GLIS1: variants seen among roughly 807,000 people sequenced by gnomAD.
GLIS1 encodes the protein zinc finger protein GLIS1.
GLIS1 carries 24 observed loss-of-function variants against 63.8 expected under a neutral mutation model. The observed-to-expected ratio is 0.38, with a 90% CI of 0.27 to 0.53. The LOEUF (loss-of-function observed/expected upper bound fraction) is 0.53, where lower values mean the gene tolerates loss of function less well. Ranked by LOEUF, GLIS1 falls within the 20% of genes least tolerant of loss-of-function variation. The pLI is 0.85. For synonymous variants in GLIS1, 450 were observed against 482.5 expected, an observed-to-expected ratio of 0.93 and a Z score of 0.88; for missense variants, 1,036 against 1,074.1, an observed-to-expected ratio of 0.96 and a Z score of 0.50.
At chr1:53,537,672 G>A (rs1052679115) in intron 4 of GLIS1, among the ~76,000 whole-genome samples, 4 of 152,180 alleles carry the variant, frequency 2.6e-5, no homozygotes, top group Non-Finnish European at 4.4e-5. Flanking sequence ...TCCTGCCTGC[G>A]GCTGGCATGG....
intron 7 of GLIS1, among the ~76,000 whole-genome samples, chr1:53,515,656 C>T (rs1644345190): frequency 6.6e-6 from 1 of 151,792 alleles, no homozygotes; most frequent in African/African-American, 2.4e-5. Context: ...AGACTTTGCT[C>T]CAGGGACCCA....
At chr1:53,542,032 G>A (rs1046697144) in intron 4 of GLIS1, among the ~76,000 whole-genome samples, 1 of 152,232 alleles carries the variant, frequency 6.6e-6, no homozygotes, top group African/African-American at 2.4e-5. Flanking sequence ...CTCTGTTCAA[G>A]GGCTCACTCA....
chr1:53,722,718 C>T (rs1646767945), intron 2 of GLIS1, among the ~76,000 whole-genome samples: 1 of 151,260 alleles, frequency 6.6e-6, no homozygotes, highest in African/African-American at 2.4e-5. Flanking sequence ...CCTGCAGTCC[C>T]AGCTACTGGA....
chr1:53,594,239 C>A lies in GLIS1; in HGVS notation c.1189G>T (p.Asp397Tyr). The A allele has an allele frequency of 1.2e-6, 2 of 1,613,818 alleles. No homozygotes were observed. The highest frequency in any genetic ancestry group is 1.1e-5 in the South Asian group (1 of 91,076). Residue 397 changes from aspartate (D) to tyrosine (Y), a missense_variant, in exon 4 of 11, where the codon GAC becomes TAC. Coordinates refer to ENST00000628545, the MANE Select transcript of GLIS1 (RefSeq NM_001367484.1). ...LVRHIEKSHI[D>Y]QRKGEDFTCF... is the part of the protein sequence containing the mutation. ...GTGAAGTCCTCGCCCTTGCGCTGGTCGATGTGGCTCTTCTCGATGTGCCGC... is the reference window on the plus strand; with the variant it reads ...GTGAAGTCCTCGCCCTTGCGCTGGTAGATGTGGCTCTTCTCGATGTGCCGC...
chr1:53,516,649 C>A (rs1343035510), intron 7 of GLIS1, among the ~76,000 whole-genome samples: 5 of 151,954 alleles, frequency 3.3e-5, no homozygotes, highest in African/African-American at 1.2e-4. Context: ...CCTGTCTCTA[C>A]CAAAAATACA....
intron 2 of GLIS1, among the ~76,000 whole-genome samples, chr1:53,687,063 G>A (rs549623056): frequency 3.9e-5 from 6 of 152,300 alleles, no homozygotes; most frequent in South Asian, 2.1e-4. Flanking sequence ...AAGTAACTTC[G>A]ACGAGGTCAC....
intron 2 of GLIS1, among the ~76,000 whole-genome samples, chr1:53,702,231 C>T (rs987404994): frequency 6.6e-6 from 1 of 152,164 alleles, no homozygotes; most frequent in Non-Finnish European, 1.5e-5. Flanking sequence ...AAGGTCACTG[C>T]TCCTCCCCTC....
chr1:53,548,291 C>T (rs1014566643), intron 4 of GLIS1, among the ~76,000 whole-genome samples: 2 of 152,192 alleles, frequency 1.3e-5, no homozygotes, highest in African/African-American at 4.8e-5. Context: ...TTCAACCTTG[C>T]ATGCACATCT....
chr1:53,653,411 C>G (rs1645930004), intron 2 of GLIS1, among the ~76,000 whole-genome samples: 1 of 152,104 alleles, frequency 6.6e-6, no homozygotes, highest in Non-Finnish European at 1.5e-5. Flanking sequence ...ACATGCATCA[C>G]AGCCCGGCGA....
chr1:53,524,644 C>T (rs919276356), intron 6 of GLIS1, 133 bp downstream of exon 6: 15 of 674,374 alleles, frequency 2.2e-5, no homozygotes, highest in African/African-American at 7.1e-5. Flanking sequence ...GACGAACGGA[C>T]GAACGGATGG....
intron 2 of GLIS1, among the ~76,000 whole-genome samples, chr1:53,652,865 C>A (rs2100333379): frequency 6.6e-6 from 1 of 152,290 alleles, no homozygotes; most frequent in East Asian, 1.9e-4. Context: ...CCCACCCTGG[C>A]CATGTGGTCC....
intron 1 of GLIS1, among the ~76,000 whole-genome samples, chr1:53,738,751 C>T (rs551553577): frequency 1.3e-5 from 2 of 152,322 alleles, no homozygotes; most frequent in South Asian, 4.1e-4. Context: ...AGGAATCGAG[C>T]CCGTCGCGCG....
intron 4 of GLIS1, among the ~76,000 whole-genome samples, chr1:53,582,942 A>G (rs751715968): frequency 2.6e-5 from 4 of 152,186 alleles, no homozygotes; most frequent in African/African-American, 9.7e-5. Context: ...AAGTATCTGA[A>G]GCACTCATTT....
intron 4 of GLIS1, among the ~76,000 whole-genome samples, chr1:53,546,137 G>T (rs1644696143): frequency 6.6e-6 from 1 of 152,254 alleles, no homozygotes; most frequent in African/African-American, 2.4e-5. Context: ...CCTCCTCGCA[G>T]GGTGACGCCA....
At chr1:53,644,348 T>C (rs1246801100) in intron 2 of GLIS1, among the ~76,000 whole-genome samples, 2 of 152,250 alleles carry the variant, frequency 1.3e-5, no homozygotes, top group African/African-American at 4.8e-5. Context: ...TGAATTTTTC[T>C]TCATTAAACA....
intron 5 of GLIS1, among the ~76,000 whole-genome samples, chr1:53,528,333 C>T (rs570640260): frequency 1.3e-5 from 2 of 152,332 alleles, no homozygotes; most frequent in East Asian, 3.9e-4. Context: ...ATGCCTGCCA[C>T]ATCAGCTCTT....
intron 2 of GLIS1, among the ~76,000 whole-genome samples, chr1:53,682,208 A>G (rs1646283198): frequency 6.6e-6 from 1 of 151,710 alleles, no homozygotes; most frequent in African/African-American, 2.4e-5. Flanking sequence ...CCGGACTCCG[A>G]CTCCAACTCC....
At position 53,506,519 on chromosome 1, in the gene GLIS1, G is replaced by T; in HGVS notation, c.*100C>A. ...GTCATGGCCTGGCTGTTCCGGCTGT[G>T]GCCTGGCACTCCTGCTAGGTGCACG... On this transcript the variant is annotated 3_prime_UTR_variant, in exon 11 of 11. Transcript: ENST00000628545. The T allele has an allele frequency of 7.8e-7, 1 of 1,282,196 alleles. No individual in the cohort carries two copies. Among genetic ancestry groups the T allele is most frequent in the Non-Finnish European group, 1.1e-6 (1 of 905,646 alleles). The allele number at this position is 1,282,196 out of a possible 1,614,324, so 79.4% of individuals were successfully genotyped here.
intron 4 of GLIS1, among the ~76,000 whole-genome samples, chr1:53,536,320 A>G (rs1410703120): frequency 6.6e-6 from 1 of 152,114 alleles, no homozygotes; most frequent in Non-Finnish European, 1.5e-5. Flanking sequence ...ATGTATAACA[A>G]TCTTGAAAAA....
Sources: gnomAD v4.1 joint callset for allele counts (sites outside exome capture counted in the v4.1 genomes callset) on GRCh38, gnomAD v4.1.1 for gene constraint, MANE v1.5 for transcripts, NCBI Gene and HGNC (gene_info 2026-07-23, HGNC 2026-07-21) for gene names.